CNTNAP5: variants seen among roughly 807,000 people sequenced by gnomAD.
The protein encoded by CNTNAP5 is contactin-associated protein-like 5.
In CNTNAP5, 72 loss-of-function variants were observed where a neutral mutation model predicts 150.2. That is an observed-to-expected ratio of 0.48 (90% CI 0.40 to 0.58). The LOEUF is 0.58. Ranked by LOEUF, CNTNAP5 falls within the 20% of genes least tolerant of loss-of-function variation. The probability of loss-of-function intolerance (pLI) is 0.00; values close to 1 mark genes in which losing one functional copy is unlikely to be tolerated. For synonymous variants in CNTNAP5, 672 were observed against 619.8 expected (o/e 1.08, Z -1.25); for missense variants, 1,636 against 1,626.2 (o/e 1.01, Z -0.10).
chr2:124,889,551 T>C (rs188528806), intron 21 of CNTNAP5, among the ~76,000 whole-genome samples: 2 of 152,252 alleles, frequency 1.3e-5, no homozygotes, highest in Non-Finnish European at 1.5e-5. Context: ...CCTTGTGTTT[T>C]CCTAGAGAGC....
chr2:124,510,348 A>ACACAC (rs1694545488), intron 8 of CNTNAP5, among the ~76,000 whole-genome samples: 1 of 68,294 alleles, frequency 1.5e-5, no homozygotes, highest in Non-Finnish European at 2.6e-5. Flanking sequence ...TCCATATGTC[A>ACACAC]ACACACACAC....
chr2:124,581,423 A>G (rs963839554), intron 11 of CNTNAP5, among the ~76,000 whole-genome samples: 6 of 152,232 alleles, frequency 3.9e-5, no homozygotes, highest in African/African-American at 1.2e-4. Flanking sequence ...AAGTGAGTGC[A>G]TAGATTCCCT....
rs757541218 is a variant in CNTNAP5 at position 124,527,373 on chromosome 2, G to A, written c.1566G>A (p.Gln522=). 1 of 1,613,504 alleles carries A rather than the reference G, an allele frequency of 6.2e-7. No individual in the cohort carries two copies. Among genetic ancestry groups the A allele is most frequent in the Non-Finnish European group, 8.5e-7 (1 of 1,179,570 alleles). The change falls in exon 10 of 24, where the codon CAG becomes CAA. Residue 522 remains glutamine (Q), a synonymous_variant. Transcript: ENST00000682447. ...GCMRLIFIDN[Q]PKDLISVQQG... ...TGAGGCTCATCTTTATTGATAACCAGCCCAAGGACCTCATTTCAGTTCAGC... is the reference window on the plus strand; with the variant it reads ...TGAGGCTCATCTTTATTGATAACCAACCCAAGGACCTCATTTCAGTTCAGC...
chr2:124,826,933 T>C (rs1371105107), intron 19 of CNTNAP5, among the ~76,000 whole-genome samples: 1 of 152,080 alleles, frequency 6.6e-6, no homozygotes, highest in Non-Finnish European at 1.5e-5. Flanking sequence ...CTTTCTTTTT[T>C]TTCTTGAGAC....
chr2:124,220,590 A>T (rs1460534527), intron 1 of CNTNAP5, among the ~76,000 whole-genome samples: 1 of 152,172 alleles, frequency 6.6e-6, no homozygotes, highest in East Asian at 1.9e-4. Context: ...AGAATGCCTG[A>T]GACTGAGCAA....
At chr2:124,789,862 A>G (rs764849139) in intron 17 of CNTNAP5, 40 bp from the exon 18 acceptor site, 109 of 1,602,420 alleles carry the variant, frequency 6.8e-5, no homozygotes, top group Non-Finnish European at 9.1e-5. Flanking sequence ...ATTGAGCCCT[A>G]TAATACCTTA....
chr2:124,888,790 G>C (rs906841644), intron 21 of CNTNAP5, among the ~76,000 whole-genome samples: 1 of 151,640 alleles, frequency 6.6e-6, no homozygotes, highest in African/African-American at 2.4e-5. Flanking sequence ...TTTTAGTAAG[G>C]TTAACTGTTT....
intron 4 of CNTNAP5, among the ~76,000 whole-genome samples, chr2:124,422,772 C>T (rs1340293459): frequency 6.6e-6 from 1 of 152,192 alleles, no homozygotes; most frequent in African/African-American, 2.4e-5. Flanking sequence ...CTATCCCTTG[C>T]CTGTGTTCTC....
intron 1 of CNTNAP5, among the ~76,000 whole-genome samples, chr2:124,185,693 AG>A (rs966496688): frequency 6.6e-6 from 1 of 151,918 alleles, no homozygotes; most frequent in African/African-American, 2.4e-5. Flanking sequence ...CCATCAGGAT[AG>A]GGTCTACCAA....
At chr2:124,410,479 G>A (rs1241245534) in intron 3 of CNTNAP5, among the ~76,000 whole-genome samples, 9 of 146,262 alleles carry the variant, frequency 6.2e-5, no homozygotes, top group Non-Finnish European at 1.1e-4. Context: ...ATACTTGGAA[G>A]TAAAGCTCTC....
intron 14 of CNTNAP5, among the ~76,000 whole-genome samples, chr2:124,756,610 G>T (rs535029307): frequency 1.3e-5 from 2 of 152,284 alleles, no homozygotes; most frequent in African/African-American, 2.4e-5. Flanking sequence ...CATGTGCTTT[G>T]CAGGGACATG....
chr2:124,623,319 C>T (rs1403126397), intron 12 of CNTNAP5, among the ~76,000 whole-genome samples: 1 of 152,138 alleles, frequency 6.6e-6, no homozygotes, highest in African/African-American at 2.4e-5. Flanking sequence ...CAGGGATGGC[C>T]ATGTCTCCCC....
intron 1 of CNTNAP5, among the ~76,000 whole-genome samples, chr2:124,094,774 G>A (rs985031398): frequency 4.6e-5 from 7 of 152,164 alleles, no homozygotes; most frequent in Non-Finnish European, 7.3e-5. Context: ...CCAGGGGGAT[G>A]AGTTTTTGGG....
intron 6 of CNTNAP5, among the ~76,000 whole-genome samples, chr2:124,450,936 A>G (rs1167868453): frequency 6.8e-6 from 1 of 146,220 alleles, no homozygotes; most frequent in Non-Finnish European, 1.5e-5. Context: ...GAGGCTGAGG[A>G]GGGAGGATGG....
chr2:124,763,839 A>G (rs773095998), intron 15 of CNTNAP5, 40 bp downstream of exon 15: 53 of 1,611,622 alleles, frequency 3.3e-5, no homozygotes, highest in Non-Finnish European at 4.2e-5. Flanking sequence ...TCTGCATTAC[A>G]TGAGCACAAG....
chr2:124,885,512 G>A (rs1422746564), intron 21 of CNTNAP5, among the ~76,000 whole-genome samples: 1 of 149,966 alleles, frequency 6.7e-6, no homozygotes, highest in African/African-American at 2.5e-5. Flanking sequence ...ACAATATTTT[G>A]CAACAATTGT....
chr2:124,885,031 G>T (rs932126849), intron 21 of CNTNAP5, among the ~76,000 whole-genome samples: 2 of 152,014 alleles, frequency 1.3e-5, no homozygotes, highest in Non-Finnish European at 2.9e-5. Flanking sequence ...AATGGAGCAT[G>T]ACTAGTAGGA....
At chr2:124,604,049 C>CT (rs1697047397) in intron 11 of CNTNAP5, among the ~76,000 whole-genome samples, 1 of 152,208 alleles carries the variant, frequency 6.6e-6, no homozygotes, top group African/African-American at 2.4e-5. Flanking sequence ...TCAGTAAAAT[C>CT]TTTTTTCCTT....
intron 6 of CNTNAP5, among the ~76,000 whole-genome samples, chr2:124,464,513 CT>C (rs1693330763): frequency 6.6e-6 from 1 of 152,116 alleles, no homozygotes; most frequent in Non-Finnish European, 1.5e-5. Flanking sequence ...ATGATATGTA[CT>C]ACGAGCATAT....
Sources: gnomAD v4.1 joint callset for allele counts (sites outside exome capture counted in the v4.1 genomes callset) on GRCh38, gnomAD v4.1.1 for gene constraint, MANE v1.5 for transcripts, NCBI Gene and HGNC (gene_info 2026-07-23, HGNC 2026-07-21) for gene names.